Variants in PHF14 observed in about 807,000 individuals in gnomAD.
PHF14 encodes PHD finger protein 14.
In PHF14, 55 loss-of-function variants were observed where a neutral mutation model predicts 117.9. The ratio of observed to expected loss-of-function variants is 0.47; its 90% CI spans 0.38 to 0.58. The LOEUF (loss-of-function observed/expected upper bound fraction) is 0.58. PHF14 is among the 20% of genes least tolerant of loss of function. PHF14 has a pLI of 0.00. For synonymous variants in PHF14, 409 were observed against 368.6 expected (o/e 1.11, Z -1.26); for missense variants, 978 against 1,122.2 (o/e 0.87, Z 1.84).
rs764219494 is a variant in PHF14 at position 11,028,702 on chromosome 7, C to T, written c.1339C>T (p.Pro447Ser). ...GTAGGAGTGTAGCTTTTGTGAAGACCCTCGCTTTGCTAGAACTGGGGTTTG... is the reference window on the plus strand; with the variant it reads ...GTAGGAGTGTAGCTTTTGTGAAGACTCTCGCTTTGCTAGAACTGGGGTTTG... ...GAKECSFCED[P>S]RFARTGVCIS... The change falls in exon 7 of 18, where the codon CCT (proline) becomes TCT (serine). Residue 447 changes from proline (P) to serine (S), a missense_variant. Physicochemically the swap from Pro to Ser is moderately conservative, Grantham distance 74. Coordinates refer to ENST00000634607, the MANE Select transcript of PHF14 (RefSeq NM_001007157.2). The T allele has an allele frequency of 2.5e-6, 4 of 1,613,202 alleles. No homozygotes were observed. Among genetic ancestry groups the T allele is most frequent in the East Asian group, 2.2e-5 (1 of 44,820 alleles).
intron 16 of PHF14, among the ~76,000 whole-genome samples, chr7:11,090,622 A>G (rs978633987): frequency 6.6e-6 from 1 of 152,200 alleles, no homozygotes; most frequent in Non-Finnish European, 1.5e-5. Flanking sequence ...AAAGCTTGTA[A>G]CTGTAAAGAA....
intron 17 of PHF14, among the ~76,000 whole-genome samples, chr7:11,144,704 T>G (rs938312958): frequency 6.6e-5 from 10 of 151,524 alleles, no homozygotes; most frequent in Non-Finnish European, 1.3e-4. Context: ...CTTAAAAAGT[T>G]AGAAGAGAGG....
chr7:11,035,046 C>T (rs1005089383), intron 7 of PHF14, among the ~76,000 whole-genome samples: 1 of 151,602 alleles, frequency 6.6e-6, no homozygotes, highest in African/African-American at 2.4e-5. Flanking sequence ...AAAAATACAG[C>T]CGGCCCTCCG....
At chr7:11,037,133 T>TA (rs1455005873) in intron 10 of PHF14, 42 bp downstream of exon 10, 11 of 1,425,136 alleles carry the variant, frequency 7.7e-6, no homozygotes, top group Non-Finnish European at 1.0e-5. Flanking sequence ...TGATAGATCT[T>TA]ACTGATGATT....
At chr7:11,058,312 G>A (rs1438729321) in intron 14 of PHF14, among the ~76,000 whole-genome samples, 1 of 151,822 alleles carries the variant, frequency 6.6e-6, no homozygotes, top group Non-Finnish European at 1.5e-5. Flanking sequence ...ATTCATTCAA[G>A]TACACTACTT....
intron 16 of PHF14, among the ~76,000 whole-genome samples, chr7:11,083,701 C>T (rs6460784): frequency 0.17 from 25,322 of 151,790 alleles, 2,996 homozygotes; most frequent in African/African-American, 0.34. Flanking sequence ...GACCTCGTGA[C>T]CCACCCCCTT....
chr7:11,106,002 C>T (rs1787248005), intron 16 of PHF14: 3 of 984,710 alleles, frequency 3.0e-6, no homozygotes, highest in Middle Eastern at 5.2e-4. Flanking sequence ...AGGGCATGAG[C>T]AGATGGAAAT....
intron 13 of PHF14, among the ~76,000 whole-genome samples, chr7:11,048,681 T>G (rs1344046998): frequency 6.6e-6 from 1 of 152,220 alleles, no homozygotes; most frequent in African/African-American, 2.4e-5. Context: ...AGCAGAAACA[T>G]TTTTTACATA....
At chr7:10,991,059 C>T (rs1233216546) in intron 4 of PHF14, among the ~76,000 whole-genome samples, 8 of 151,088 alleles carry the variant, frequency 5.3e-5, no homozygotes, top group African/African-American at 1.2e-4. Context: ...GGCACAATCT[C>T]GGTTCACTGC....
Position 11,051,584 on chromosome 7 carries a change from A to G in PHF14, c.2313-28A>G, listed in dbSNP as rs757094014. On this transcript the variant is annotated intron_variant, in intron 13 of 17. Coordinates refer to ENST00000634607, the MANE Select transcript of PHF14 (RefSeq NM_001007157.2). Reference sequence around the variant, plus strand: ...AAAGCCAGAAGATAATAATAAATGCATGACTTAAATTTTTCCCCTTTATGT... The same window carrying G: ...AAAGCCAGAAGATAATAATAAATGCGTGACTTAAATTTTTCCCCTTTATGT... The G allele has an allele frequency of 2.5e-6, 4 of 1,580,590 alleles. No homozygotes were observed. In the South Asian group the frequency reaches 3.5e-5, roughly 14 times the overall value.
At chr7:11,071,552 C>G (rs998952376) in intron 16 of PHF14, among the ~76,000 whole-genome samples, 3 of 151,990 alleles carry the variant, frequency 2.0e-5, no homozygotes, top group African/African-American at 7.2e-5. Flanking sequence ...TAAATTTTAC[C>G]CATTATAAGT....
At chr7:11,097,021 C>T (rs1004999480) in intron 16 of PHF14, among the ~76,000 whole-genome samples, 2 of 142,770 alleles carry the variant, frequency 1.4e-5, no homozygotes, top group Admixed American at 1.4e-4. Context: ...CTCTTGTTGC[C>T]CCGGCTGGAG....
intron 16 of PHF14, chr7:11,107,582 T>A (rs922881765): frequency 2.4e-5 from 20 of 833,400 alleles, no homozygotes; most frequent in Non-Finnish European, 2.7e-5. Context: ...ATCCAGTTTT[T>A]ATTTTATTAA....
chr7:11,047,943 G>C, intron 13 of PHF14, among the ~76,000 whole-genome samples: 1 of 119,254 alleles, frequency 8.4e-6, no homozygotes. Context: ...GGGGGAGGGA[G>C]AGGGAGGGAG....
At chr7:10,976,987 T>C (rs1640702) in intron 2 of PHF14, among the ~76,000 whole-genome samples, 105,015 of 151,080 alleles carry the variant, frequency 0.7, 37,156 homozygotes, top group African/African-American at 0.82. Flanking sequence ...TTAAAATGAT[T>C]AGTAGTCAAC....
chr7:11,020,565 G>A (rs912475652), intron 5 of PHF14, among the ~76,000 whole-genome samples: 6 of 151,938 alleles, frequency 3.9e-5, no homozygotes, highest in East Asian at 1.9e-4. Flanking sequence ...TTTTTGTAGC[G>A]ATGGGGTTTC....
chr7:11,167,559 T>TA (rs1789236234), intron 17 of PHF14, among the ~76,000 whole-genome samples: 1 of 152,164 alleles, frequency 6.6e-6, no homozygotes, highest in South Asian at 2.1e-4. Context: ...TAGGAATGTA[T>TA]AAGATACAGA....
intron 3 of PHF14, among the ~76,000 whole-genome samples, chr7:10,987,638 G>C (rs1236668068): frequency 6.6e-6 from 1 of 151,692 alleles, no homozygotes; most frequent in Non-Finnish European, 1.5e-5. Context: ...TTATTTTCTA[G>C]GTGGTACTTT....
At chr7:11,072,954 T>C (rs1207871281) in intron 16 of PHF14, among the ~76,000 whole-genome samples, 2 of 152,166 alleles carry the variant, frequency 1.3e-5, no homozygotes, top group African/African-American at 4.8e-5. Flanking sequence ...CCCATGGGTT[T>C]AGTGCCAAGC....
Sources: allele counts gnomAD v4.1 joint callset (sites outside exome capture counted in the v4.1 genomes callset), GRCh38; gene constraint gnomAD v4.1.1; transcripts MANE v1.5; gene names NCBI Gene and HGNC (gene_info 2026-07-23, HGNC 2026-07-21).